The following MEF2B variants were observed in gnomAD, a reference collection of about 807,000 sequenced individuals.
The protein encoded by MEF2B is myocyte enhancer factor 2B.
MEF2B carries 15 observed loss-of-function variants against 32.2 expected under a neutral mutation model. The observed-to-expected ratio is 0.47, with a 90% CI of 0.31 to 0.72. The LOEUF (loss-of-function observed/expected upper bound fraction) is 0.72, where lower values mean the gene tolerates loss of function less well. Among genes scored for constraint, MEF2B ranks in the 30% least tolerant of loss-of-function variants. The probability of loss-of-function intolerance (pLI) is 0.05; values close to 1 mark genes in which losing one functional copy is unlikely to be tolerated. For missense variants in MEF2B, 441 were observed against 511.5 expected (o/e 0.86, Z 1.33); for synonymous variants, 205 against 225.6 (o/e 0.91, Z 0.82).
At chr19:19,161,341 C>T (rs1352054173) in intron 1 of MEF2B, among the ~76,000 whole-genome samples, 1 of 151,906 alleles carries the variant, frequency 6.6e-6, no homozygotes, top group Non-Finnish European at 1.5e-5. Context: ...AGAAATATTC[C>T]CCACACACGG....
intron 1 of MEF2B, among the ~76,000 whole-genome samples, chr19:19,164,029 C>T (rs1360823599): frequency 6.6e-6 from 1 of 152,010 alleles, no homozygotes; most frequent in African/African-American, 2.4e-5. Flanking sequence ...TGCAGTGGTG[C>T]GATCTCAGCT....
At position 19,147,202 on chromosome 19, in the gene MEF2B, T is replaced by A. The variant is rs2060034940; in HGVS notation, c.394-19A>T. ...CTGCAGGCTGTGGGTAGAGAAGGGA[T>A]GGGTCAGAGGACCCCAGGCCAGATG... is the stretch of plus-strand genomic sequence containing the variant. On this transcript the variant is annotated intron_variant, in intron 4 of 8. Coordinates refer to ENST00000424583, the MANE Select transcript of MEF2B (RefSeq NM_001145785.2). 1.3e-6 allele frequency: 2 copies of A among 1,552,272 alleles called. No homozygotes were observed. The highest frequency in any genetic ancestry group is 4.1e-5 in the Admixed American group (2 of 48,588).
At chr19:19,152,393 GA>G (rs2060090798) in intron 1 of MEF2B, among the ~76,000 whole-genome samples, 1 of 54,014 alleles carries the variant, frequency 1.9e-5, no homozygotes, top group Non-Finnish European at 3.6e-5. Flanking sequence ...AAAAAAAAAA[GA>G]AAAAGAAAAA....
At chr19:19,161,999 G>T (rs1168161702) in intron 1 of MEF2B, among the ~76,000 whole-genome samples, 2 of 152,004 alleles carry the variant, frequency 1.3e-5, no homozygotes, top group African/African-American at 4.8e-5. Flanking sequence ...GTACAGACAG[G>T]GTTTCACCAT....
Position 19,145,944 on chromosome 19 carries a change from A to T in MEF2B, c.960T>A (p.Ser320=). The T allele has an allele frequency of 6.9e-7, 1 of 1,445,104 alleles. No homozygotes were observed. Among genetic ancestry groups the T allele is most frequent in the Non-Finnish European group, 9.1e-7 (1 of 1,100,180 alleles). 89.5% of individuals were successfully genotyped at this position (1,445,104 alleles called of 1,614,324 possible). ...SPPTPPVSIK[S]ERLSPAPGGP... is the part of the protein sequence containing the mutation. Reference sequence around the variant, plus strand: ...CCCCGGGGGCCGGAGAGAGGCGCTCAGACTTGATGCTGACTGGGGGGGTCG... The same window carrying T: ...CCCCGGGGGCCGGAGAGAGGCGCTCTGACTTGATGCTGACTGGGGGGGTCG... The change falls in exon 9 of 9, where the codon TCT becomes TCA. Residue 320 remains serine, a synonymous_variant. Transcript: ENST00000424583. This position sits in a 1 kb window ranked among gnomAD's most constrained non-coding sequence, Gnocchi z 4.6.
At chr19:19,160,928 G>T (rs374707809) in intron 1 of MEF2B, among the ~76,000 whole-genome samples, 49 of 152,140 alleles carry the variant, frequency 3.2e-4, no homozygotes, top group African/African-American at 9.4e-4. Flanking sequence ...GTACCCAGGT[G>T]GGGGGGCATG....
At chr19:19,165,807 C>T (rs1599736495) in intron 1 of MEF2B, among the ~76,000 whole-genome samples, 2 of 152,128 alleles carry the variant, frequency 1.3e-5, no homozygotes, top group East Asian at 1.9e-4. Flanking sequence ...GCAAGGCAGG[C>T]CCATGCCCAC....
At position 19,149,443 on chromosome 19, in the gene MEF2B, C is replaced by G; in HGVS notation, c.55-14G>C. ...GGTGAACGTCACCTGGACCCAGGAC[C>G]CACAGGGGCAGGGGAGAGAAGAAGA... On this transcript the variant is annotated splice_polypyrimidine_tract_variant and intron_variant, in intron 2 of 8. Transcript: ENST00000424583. 6.2e-7 allele frequency: 1 copy of G among 1,613,958 alleles called. No individual in the cohort carries two copies. Among genetic ancestry groups the G allele is most frequent in the Non-Finnish European group, 8.5e-7 (1 of 1,179,978 alleles).
At chr19:19,146,190 G>T in intron 8 of MEF2B, 83 bp downstream of exon 8, 1 of 838,718 alleles carries the variant, frequency 1.2e-6, no homozygotes. Context: ...GGAAGTGTGC[G>T]CAGTACCAGG....
chr19:19,149,141 C>G, intron 3 of MEF2B, 85 bp downstream of exon 3: 1 of 1,533,906 alleles, frequency 6.5e-7, no homozygotes, highest in Non-Finnish European at 8.9e-7. Flanking sequence ...AGACACTCAT[C>G]TTTTGTGCAA....
At chr19:19,165,176 C>T (rs2060197566) in intron 1 of MEF2B, among the ~76,000 whole-genome samples, 1 of 152,094 alleles carries the variant, frequency 6.6e-6, no homozygotes, top group South Asian at 2.1e-4. Flanking sequence ...CCCCCATCAC[C>T]CAGTCTGATG....
At chr19:19,151,889 G>A (rs112135402) in intron 1 of MEF2B, among the ~76,000 whole-genome samples, 23,008 of 151,752 alleles carry the variant, frequency 0.15, 1,974 homozygotes, top group East Asian at 0.34. Flanking sequence ...TTGGGAGGCC[G>A]AGGCAGGCAG....
chr19:19,163,996 C>T (rs996895964), intron 1 of MEF2B, among the ~76,000 whole-genome samples: 1 of 151,932 alleles, frequency 6.6e-6, no homozygotes, highest in African/African-American at 2.4e-5. Context: ...AGATGGGTTT[C>T]GCTCTTGTTG....
intron 1 of MEF2B, among the ~76,000 whole-genome samples, chr19:19,161,038 C>T (rs1599732093): frequency 1.3e-5 from 2 of 152,246 alleles, no homozygotes; most frequent in African/African-American, 4.8e-5. Flanking sequence ...CAGTGACTCC[C>T]CTGTTGCTGA....
chr19:19,157,668 C>T (rs975501779), intron 1 of MEF2B, among the ~76,000 whole-genome samples: 4 of 152,030 alleles, frequency 2.6e-5, no homozygotes, highest in South Asian at 4.1e-4. Context: ...GCCAACATAG[C>T]GAAAACCCAT....
chr19:19,146,119 C>G, intron 8 of MEF2B, 97 bp from the exon 9 acceptor site: 1 of 1,110,314 alleles, frequency 9.0e-7, no homozygotes, highest in South Asian at 1.9e-5. Context: ...GCAGGAGGAC[C>G]CTGGGAAAGG....
At chr19:19,159,240 C>T (rs1425040297) in intron 1 of MEF2B, among the ~76,000 whole-genome samples, 1 of 49,154 alleles carries the variant, frequency 2.0e-5, no homozygotes, top group African/African-American at 1.0e-4. Context: ...AGTGCGTGGC[C>T]TAAAAAAAAA....
At chr19:19,161,247 CA>C (rs1277284572) in intron 1 of MEF2B, among the ~76,000 whole-genome samples, 2 of 151,988 alleles carry the variant, frequency 1.3e-5, no homozygotes, top group East Asian at 1.9e-4. Context: ...TTGCGGGCCC[CA>C]AAAAGTCCCT....
chr19:19,147,973 C>T (rs1338132520), intron 3 of MEF2B, 141 bp from the exon 4 acceptor site: 2 of 1,390,436 alleles, frequency 1.4e-6, no homozygotes, highest in Admixed American at 5.7e-5. Flanking sequence ...CTAGCCAAAC[C>T]CCACTGACCA....
Sources: gnomAD v4.1 joint callset for allele counts (sites outside exome capture counted in the v4.1 genomes callset) on GRCh38, gnomAD v4.1.1 for gene constraint, Gnocchi (gnomAD v3.1) non-coding constraint, MANE v1.5 for transcripts, NCBI Gene and HGNC (gene_info 2026-07-23, HGNC 2026-07-21) for gene names.